Variants in GABRA2 observed in about 807,000 individuals in gnomAD.
GABRA2 encodes the protein gamma-aminobutyric acid receptor subunit alpha-2.
In GABRA2, 16 loss-of-function variants were observed where a neutral mutation model predicts 48.7. The observed-to-expected ratio is 0.33, with a 90% CI of 0.22 to 0.50. GABRA2 has a LOEUF of 0.50. Ranked by LOEUF, GABRA2 falls within the 20% of genes least tolerant of loss-of-function variation. GABRA2 has a pLI of 0.98. For missense variants in GABRA2, 275 were observed against 535.6 expected (o/e 0.51, Z 4.80); for synonymous variants, 185 against 184.5 (o/e 1.00, Z -0.02).
intron 3 of GABRA2, among the ~76,000 whole-genome samples, chr4:46,338,076 C>T (rs1732564892): frequency 6.6e-6 from 1 of 151,872 alleles, no homozygotes. Context: ...TTCTCTTTCT[C>T]CTCCACCGTA....
At chr4:46,290,797 T>G (rs1723477401) in intron 8 of GABRA2, among the ~76,000 whole-genome samples, 1 of 152,166 alleles carries the variant, frequency 6.6e-6, no homozygotes, top group African/African-American at 2.4e-5. Context: ...TAAATTAATT[T>G]GTGACTATGT....
chr4:46,343,310 T>C (rs1451159936), intron 3 of GABRA2, among the ~76,000 whole-genome samples: 2 of 152,114 alleles, frequency 1.3e-5, no homozygotes, highest in South Asian at 4.1e-4. Flanking sequence ...TTCTGGAACG[T>C]AGTAGGCTCT....
intron 8 of GABRA2, among the ~76,000 whole-genome samples, chr4:46,276,114 A>G (rs1720454307): frequency 6.6e-6 from 1 of 152,166 alleles, no homozygotes; most frequent in Admixed American, 6.6e-5. Flanking sequence ...AAAGAAAACA[A>G]GAACAAAAAA....
At chr4:46,292,219 G>C (rs1723801894) in intron 8 of GABRA2, among the ~76,000 whole-genome samples, 1 of 152,074 alleles carries the variant, frequency 6.6e-6, no homozygotes, top group African/African-American at 2.4e-5. Flanking sequence ...ATGAACTCAG[G>C]GATTCTAACT....
chr4:46,294,651 G>C (rs1339503866), intron 8 of GABRA2, among the ~76,000 whole-genome samples: 1 of 152,210 alleles, frequency 6.6e-6, no homozygotes, highest in Non-Finnish European at 1.5e-5. Context: ...TACGGATGCT[G>C]TTTGGAGCCT....
chr4:46,254,142 A>T (rs571949543), intron 9 of GABRA2, among the ~76,000 whole-genome samples: 1 of 151,504 alleles, frequency 6.6e-6, no homozygotes, highest in South Asian at 2.1e-4. Context: ...AGGAGGTATT[A>T]CATGGCCCTA....
chr4:46,266,696 C>A (rs1718305196), intron 8 of GABRA2, among the ~76,000 whole-genome samples: 1 of 149,560 alleles, frequency 6.7e-6, no homozygotes, highest in Non-Finnish European at 1.5e-5. Flanking sequence ...AAGGTTTTAG[C>A]CACCATGTCT....
At chr4:46,264,019 T>G (rs573644750) in intron 8 of GABRA2, among the ~76,000 whole-genome samples, 10 of 152,040 alleles carry the variant, frequency 6.6e-5, no homozygotes, top group Admixed American at 2.0e-4. Context: ...TTCTATAGTT[T>G]TCAGTGTATA....
chr4:46,343,374 G>C (rs182637135), intron 3 of GABRA2, among the ~76,000 whole-genome samples: 1 of 151,984 alleles, frequency 6.6e-6, no homozygotes, highest in African/African-American at 2.4e-5. Flanking sequence ...ATTTGGGGTA[G>C]AGGAAGGGTA....
At position 46,287,571 on chromosome 4, in the gene GABRA2, T is replaced by C. The variant is rs909925411; in HGVS notation, c.856+15889A>G. 6.5e-5 allele frequency among the ~76,000 whole-genome samples: 9 copies of C among 138,296 alleles called. No homozygotes were observed. In the South Asian group the frequency reaches 9.3e-4, roughly 14 times the overall value. The allele number at this position is 138,296 out of a possible 152,430, so 90.7% of individuals were successfully genotyped here. Reference sequence around the variant, plus strand: ...GCATATTCTCACTCATAGGTGGGAATTGAACAATGAGATCACATGGACACA... The same window carrying C: ...GCATATTCTCACTCATAGGTGGGAACTGAACAATGAGATCACATGGACACA... On this transcript the variant is annotated intron_variant, in intron 8 of 9. Coordinates refer to ENST00000381620, the MANE Select transcript of GABRA2 (RefSeq NM_000807.4).
chr4:46,345,177 C>G (rs1466977957), intron 3 of GABRA2, among the ~76,000 whole-genome samples: 4 of 151,900 alleles, frequency 2.6e-5, no homozygotes, highest in Non-Finnish European at 5.9e-5. Flanking sequence ...TGTGCCTCTT[C>G]CCCTTCCACT....
intron 3 of GABRA2, among the ~76,000 whole-genome samples, chr4:46,372,534 C>T (rs1715058925): frequency 6.6e-6 from 1 of 152,038 alleles, no homozygotes; most frequent in African/African-American, 2.4e-5. Context: ...TTTTTAAGAA[C>T]TCAGTGCTAG....
intron 8 of GABRA2, among the ~76,000 whole-genome samples, chr4:46,276,616 A>G (rs1275864302): frequency 6.7e-6 from 1 of 149,902 alleles, no homozygotes; most frequent in Non-Finnish European, 1.5e-5. Context: ...AAAAAAAAAA[A>G]GAGCGTAGTT....
intron 3 of GABRA2, among the ~76,000 whole-genome samples, chr4:46,354,913 AT>A (rs1456465371): frequency 6.6e-6 from 1 of 151,558 alleles, no homozygotes; most frequent in Admixed American, 6.6e-5. Flanking sequence ...CATCTGTGTC[AT>A]GGCTGGCTCC....
At chr4:46,286,899 C>CT (rs760136290) in intron 8 of GABRA2, among the ~76,000 whole-genome samples, 1 of 152,024 alleles carries the variant, frequency 6.6e-6, no homozygotes, top group Non-Finnish European at 1.5e-5. Context: ...TGTAAGGTGT[C>CT]TTTTTACATA....
intron 8 of GABRA2, among the ~76,000 whole-genome samples, chr4:46,265,340 A>T (rs964414736): frequency 8.8e-6 from 1 of 114,030 alleles, no homozygotes; most frequent in Non-Finnish European, 1.7e-5. Context: ...GCGCCTTGCC[A>T]CTTTATATAT....
chr4:46,287,289 T>C (rs1270939926), intron 8 of GABRA2, among the ~76,000 whole-genome samples: 1 of 57,608 alleles, frequency 1.7e-5, no homozygotes, highest in Non-Finnish European at 4.6e-5. Context: ...TCCAGCTTTG[T>C]TCTTGTTTAG....
chr4:46,260,813 A>C (rs529830134), intron 9 of GABRA2: 1 of 151,920 alleles, frequency 6.6e-6, no homozygotes, highest in Non-Finnish European at 1.5e-5. Flanking sequence ...AGTAGGGAAA[A>C]CACAACTTAT....
intron 6 of GABRA2, among the ~76,000 whole-genome samples, chr4:46,307,223 A>C (rs1726850673): frequency 6.6e-6 from 1 of 152,068 alleles, no homozygotes; most frequent in Non-Finnish European, 1.5e-5. Context: ...ATGATTGATT[A>C]CACCGAGAAC....
Sources: gnomAD v4.1 joint callset for allele counts (sites outside exome capture counted in the v4.1 genomes callset) on GRCh38, gnomAD v4.1.1 for gene constraint, MANE v1.5 for transcripts, NCBI Gene and HGNC (gene_info 2026-07-23, HGNC 2026-07-21) for gene names.